Variants in TBC1D10A observed in about 807,000 individuals in gnomAD.
TBC1D10A encodes the protein TBC1 domain family member 10A, also known as EBP50-PDX interactor of 64 kDa.
TBC1D10A carries 24 observed loss-of-function variants against 52.9 expected under a neutral mutation model. The ratio of observed to expected loss-of-function variants is 0.45; its 90% CI spans 0.33 to 0.64. The LOEUF is 0.64. Among genes scored for constraint, TBC1D10A ranks in the 30% least tolerant of loss-of-function variants. TBC1D10A has a pLI of 0.02. For synonymous variants in TBC1D10A, 278 were observed against 282.9 expected (o/e 0.98, Z 0.17); for missense variants, 602 against 687.9 (o/e 0.88, Z 1.40).
intron 1 of TBC1D10A, among the ~76,000 whole-genome samples, chr22:30,313,935 A>G (rs1186999769): frequency 1.3e-5 from 2 of 152,116 alleles, no homozygotes; most frequent in East Asian, 3.9e-4. Flanking sequence ...GGCATTTTAT[A>G]ACATTACAAT....
intron 2 of TBC1D10A, among the ~76,000 whole-genome samples, chr22:30,303,894 G>A (rs1930257898): frequency 6.6e-6 from 1 of 152,226 alleles, no homozygotes; most frequent in Non-Finnish European, 1.5e-5. Context: ...CACTTGAAAA[G>A]GACTACTGGG....
intron 1 of TBC1D10A, among the ~76,000 whole-genome samples, chr22:30,314,419 G>A (rs1402255751): frequency 6.6e-6 from 1 of 152,186 alleles, no homozygotes; most frequent in African/African-American, 2.4e-5. Context: ...TGAAAGCCTC[G>A]TCCACCATAC....
At chr22:30,301,073 G>A (rs1300152104) in intron 2 of TBC1D10A, among the ~76,000 whole-genome samples, 1 of 152,306 alleles carries the variant, frequency 6.6e-6, no homozygotes, top group East Asian at 1.9e-4. Context: ...CAAGCAGAGT[G>A]GGGGTAAATT....
At chr22:30,316,976 C>T (rs1180854747) in intron 1 of TBC1D10A, among the ~76,000 whole-genome samples, 1 of 151,808 alleles carries the variant, frequency 6.6e-6, no homozygotes, top group African/African-American at 2.4e-5. Flanking sequence ...GAGGTTGAGG[C>T]TGCAGTGAGC....
At chr22:30,320,486 T>G (rs1018467355) in intron 1 of TBC1D10A, among the ~76,000 whole-genome samples, 3 of 152,130 alleles carry the variant, frequency 2.0e-5, no homozygotes, top group African/African-American at 7.2e-5. Context: ...CACTACTGGA[T>G]GCAGTGTCAA....
At chr22:30,294,227 G>GAGGCAGACACCCTGCA in intron 6 of TBC1D10A, 117 bp from the exon 7 acceptor site, 1 of 1,172,986 alleles carries the variant, frequency 8.5e-7, no homozygotes, top group Non-Finnish European at 1.2e-6. Context: ...ACCGCCTGCA[G>GAGGCAGACACCCTGCA]GGTGTCTGCC....
intron 2 of TBC1D10A, among the ~76,000 whole-genome samples, chr22:30,301,281 G>T (rs1930197208): frequency 6.6e-6 from 1 of 152,196 alleles, no homozygotes; most frequent in African/African-American, 2.4e-5. Flanking sequence ...ATGCTGTGGT[G>T]GGGGAGGGGT....
At chr22:30,295,175 A>ACCACAAGCAGATCACCT in intron 4 of TBC1D10A, 120 bp from the exon 5 acceptor site, 1 of 964,786 alleles carries the variant, frequency 1.0e-6, no homozygotes. Context: ...AGGGAAGGTG[A>ACCACAAGCAGATCACCT]TCTGCTTGTG....
At chr22:30,326,624 G>GC in intron 1 of TBC1D10A, 49 bp downstream of exon 1, 1 of 1,536,540 alleles carries the variant, frequency 6.5e-7, no homozygotes, top group Non-Finnish European at 8.8e-7. Flanking sequence ...CCGTGTCGAG[G>GC]CCCCTCGCGT....
chr22:30,311,985 G>T (rs928083586), intron 1 of TBC1D10A, among the ~76,000 whole-genome samples: 1 of 152,150 alleles, frequency 6.6e-6, no homozygotes, highest in Non-Finnish European at 1.5e-5. Context: ...TAGAGACAAG[G>T]TTTCACCGTG....
chr22:30,317,448 G>A (rs1930562849), intron 1 of TBC1D10A, among the ~76,000 whole-genome samples: 1 of 152,076 alleles, frequency 6.6e-6, no homozygotes, highest in Non-Finnish European at 1.5e-5. Flanking sequence ...CCAAGATTAA[G>A]CAACTTTCTC....
chr22:30,292,574 C>T lies in TBC1D10A; in HGVS notation c.1328G>A (p.Gly443Glu), dbSNP rs776479993. 67 of 1,613,658 alleles carry T rather than the reference C, an allele frequency of 4.2e-5. No individual in the cohort carries two copies. Among genetic ancestry groups the T allele is most frequent in the Non-Finnish European group, 5.6e-5 (66 of 1,179,916 alleles). Residue 443 changes from glycine (G) to glutamate (E), a missense_variant, in exon 9 of 9, where the codon GGG (glycine) becomes GAG (glutamate). Gly to Glu is a moderately conservative substitution (Grantham distance 98). This residue lies in a region of TBC1D10A where 265 missense variants were observed against 275.1 expected (regional missense o/e 0.96). Transcript: ENST00000215790. ...KEQRKQMKGRGQLEKPPAPNQ... is the reference protein window; with the variant it reads ...KEQRKQMKGREQLEKPPAPNQ... ...TGGGGCTGGGGGCTTCTCCAGCTGC[C>T]CTCTCCCCTTCATCTGTTTCCGCTG... is the stretch of plus-strand genomic sequence containing the variant.
intron 1 of TBC1D10A, among the ~76,000 whole-genome samples, chr22:30,313,542 G>C (rs2041200): frequency 0.87 from 125,018 of 143,238 alleles, 54,903 homozygotes; most frequent in African/African-American, 0.97. Flanking sequence ...CGCCACCACG[G>C]CCAGCTAATT....
In TBC1D10A at chr22:30,293,771, C is replaced by T; in HGVS notation, c.930G>A (p.Leu310=). 1 of 1,612,340 alleles carries T rather than the reference C, an allele frequency of 6.2e-7. No individual in the cohort carries two copies. The highest frequency in any genetic ancestry group is 1.7e-5 in the Admixed American group (1 of 60,000). The part of the protein sequence containing the change: ...VKIIFRVGLV[L]LKHALGSPEK... ...CAGGGGAGCCCAGCGCGTGCTTCAG[C>T]AGCACCAGCCCCACCCGGAAGATGA... Residue 310 remains leucine (L), a synonymous_variant, in exon 8 of 9, where the codon CTG becomes CTA. Transcript: ENST00000215790.
chr22:30,318,763 T>C, intron 1 of TBC1D10A: 1 of 466,994 alleles, frequency 2.1e-6, no homozygotes, highest in Non-Finnish European at 4.4e-6. Context: ...ACAGCCCTTT[T>C]AGGCCATCCT....
intron 2 of TBC1D10A, among the ~76,000 whole-genome samples, chr22:30,303,390 G>A (rs543757676): frequency 6.6e-6 from 1 of 152,324 alleles, no homozygotes; most frequent in Non-Finnish European, 1.5e-5. Flanking sequence ...CCCAGGTCTG[G>A]GTGAGCCTCT....
intron 1 of TBC1D10A, among the ~76,000 whole-genome samples, chr22:30,309,043 C>T (rs554052765): frequency 2.0e-5 from 3 of 152,250 alleles, no homozygotes; most frequent in East Asian, 3.9e-4. Context: ...GAAATCAGGC[C>T]CTTCTCCAGA....
intron 1 of TBC1D10A, among the ~76,000 whole-genome samples, chr22:30,320,571 C>T (rs528208731): frequency 3.9e-5 from 6 of 152,180 alleles, no homozygotes; most frequent in Non-Finnish European, 4.4e-5. Flanking sequence ...GTCTTCAGTA[C>T]GCTCATCCAC....
intron 4 of TBC1D10A, 139 bp from the exon 5 acceptor site, chr22:30,295,194 G>C (rs924770628): frequency 1.0e-5 from 8 of 796,004 alleles, no homozygotes; most frequent in Non-Finnish European, 1.6e-5. Flanking sequence ...TGGTCACCAA[G>C]GGGTCAGTCT....
Sources: gnomAD v4.1 joint callset for allele counts (sites outside exome capture counted in the v4.1 genomes callset) on GRCh38, gnomAD v4.1.1 for gene constraint, gnomAD v4.1.1 regional missense constraint, MANE v1.5 for transcripts, NCBI Gene and HGNC (gene_info 2026-07-23, HGNC 2026-07-21) for gene names.